PHLDB2: variants seen among roughly 807,000 people sequenced by gnomAD.
PHLDB2 encodes pleckstrin homology like domain family B member 2.
In PHLDB2, 71 loss-of-function variants were observed where a neutral mutation model predicts 123.6. The ratio of observed to expected loss-of-function variants is 0.57; its 90% CI spans 0.47 to 0.70. PHLDB2 has a LOEUF of 0.70. Ranked by LOEUF, PHLDB2 falls within the 30% of genes least tolerant of loss-of-function variation. PHLDB2 has a pLI of 0.00. For missense variants in PHLDB2, 1,446 were observed against 1,519.5 expected, an observed-to-expected ratio of 0.95 and a Z score of 0.80; for synonymous variants, 547 against 541.6, an observed-to-expected ratio of 1.01 and a Z score of -0.14.
rs142558668 is a variant in PHLDB2, at chr3:111,974,360, T to C, written c.3622-63T>C. 7 of 1,404,628 alleles carry C rather than the reference T, an allele frequency of 5.0e-6. No individual in the cohort carries two copies. The African/African-American group carries it at 7.3e-5, about 15-fold the overall frequency. 87.0% of individuals were successfully genotyped at this position (1,404,628 alleles called of 1,614,324 possible). A position where few individuals can be genotyped will look rare whatever the true frequency, so the allele number is the denominator to read the frequency against. ...TTTTGAAGAAGTCATCACATGTCTG[T>C]GTTATTTAATGTTGTATTTTAAGAT... On this transcript the variant is annotated intron_variant, in intron 17 of 17. Coordinates refer to ENST00000431670, the MANE Select transcript of PHLDB2 (RefSeq NM_001134438.2).
intron 1 of PHLDB2, among the ~76,000 whole-genome samples, chr3:111,827,651 G>T (rs1416580610): frequency 6.8e-6 from 1 of 146,924 alleles, no homozygotes; most frequent in South Asian, 2.2e-4. Context: ...ATTGCACGCC[G>T]GCCTGAGCGA....
intron 1 of PHLDB2, among the ~76,000 whole-genome samples, chr3:111,796,980 G>C (rs1289008433): frequency 6.6e-6 from 1 of 152,142 alleles, no homozygotes; most frequent in East Asian, 1.9e-4. Flanking sequence ...GGTTTTGTTT[G>C]TTTTTAAACT....
At chr3:111,948,176 G>A (rs1434136514) in intron 9 of PHLDB2, among the ~76,000 whole-genome samples, 4 of 152,142 alleles carry the variant, frequency 2.6e-5, no homozygotes, top group Admixed American at 6.5e-5. Context: ...TGTCCTATGG[G>A]TAGAGATGGG....
At chr3:111,806,519 C>G (rs1359375059) in intron 1 of PHLDB2, among the ~76,000 whole-genome samples, 1 of 149,450 alleles carries the variant, frequency 6.7e-6, no homozygotes, top group African/African-American at 2.5e-5. Context: ...GAGTCTCACT[C>G]TGTCACCCAG....
At chr3:111,737,083 C>T (rs1374641815) in intron 1 of PHLDB2, among the ~76,000 whole-genome samples, 1 of 152,170 alleles carries the variant, frequency 6.6e-6, no homozygotes, top group Non-Finnish European at 1.5e-5. Flanking sequence ...ATTGAGAATC[C>T]ATTATTGTAG....
At chr3:111,743,538 T>C (rs2059637428) in intron 1 of PHLDB2, among the ~76,000 whole-genome samples, 1 of 152,188 alleles carries the variant, frequency 6.6e-6, no homozygotes. Flanking sequence ...TCTAGAGAAG[T>C]AGCAGTGAGA....
chr3:111,899,630 G>A (rs977330071), intron 2 of PHLDB2, among the ~76,000 whole-genome samples: 13 of 152,140 alleles, frequency 8.5e-5, no homozygotes, highest in African/African-American at 2.9e-4. Flanking sequence ...TGGTCAATGA[G>A]CATTGGTTTC....
intron 12 of PHLDB2, among the ~76,000 whole-genome samples, chr3:111,954,973 C>T (rs932312999): frequency 6.6e-6 from 1 of 152,020 alleles, no homozygotes; most frequent in Admixed American, 6.6e-5. Flanking sequence ...TCGATTCTAG[C>T]TCTTTGGCCT....
At chr3:111,957,408 A>G (rs1038299122) in intron 12 of PHLDB2, 1 of 152,642 alleles carries the variant, frequency 6.6e-6, no homozygotes. Context: ...ATTGTTGCAC[A>G]TTTGCAAGAA....
At chr3:111,768,262 A>G (rs1321133678) in intron 1 of PHLDB2, among the ~76,000 whole-genome samples, 4 of 152,228 alleles carry the variant, frequency 2.6e-5, no homozygotes, top group East Asian at 3.8e-4. Flanking sequence ...AAGTGGTGGT[A>G]TACTCAGAAG....
rs1315481911 is a variant in PHLDB2, at chr3:111,792,832, G to A, written c.-48-52989G>A. On this transcript the variant is annotated intron_variant, in intron 1 of 17. Coordinates refer to the PHLDB2 transcript ENST00000393923. Reference sequence around the variant, plus strand: ...GCAAACAAATGCATGCCATGGGTATGTACTGAACCAAGATTATGATTAATT... The same window carrying A: ...GCAAACAAATGCATGCCATGGGTATATACTGAACCAAGATTATGATTAATT... Among the ~76,000 whole-genome samples the A allele has an allele frequency of 4.6e-5, 7 of 152,336 alleles. No individual in the cohort carries two copies. The East Asian group carries it at 1.2e-3, about 25-fold the overall frequency.
intron 1 of PHLDB2, among the ~76,000 whole-genome samples, chr3:111,790,899 C>T (rs889116855): frequency 6.6e-6 from 1 of 151,790 alleles, no homozygotes; most frequent in Admixed American, 6.6e-5. Flanking sequence ...AAAATGTATC[C>T]TCCTAGTCTC....
At chr3:111,816,808 C>T (rs1375859076) in intron 1 of PHLDB2, among the ~76,000 whole-genome samples, 2 of 152,174 alleles carry the variant, frequency 1.3e-5, no homozygotes, top group African/African-American at 4.8e-5. Flanking sequence ...TATGACTTGG[C>T]TGTGTCCCCA....
Position 111,754,333 on chromosome 3 carries a change from T to A in PHLDB2, c.-49+21630T>A, listed in dbSNP as rs572724630. Reference sequence around the variant, plus strand: ...TATCCTCTTTTATTTCATTGAGCAGTGGTTTGTAGCTCTCCTTGAAGAGGT... The same window carrying A: ...TATCCTCTTTTATTTCATTGAGCAGAGGTTTGTAGCTCTCCTTGAAGAGGT... On this transcript the variant is annotated intron_variant, in intron 1 of 17. Coordinates refer to the PHLDB2 transcript ENST00000393923. Among the ~76,000 whole-genome samples the A allele has an allele frequency of 1.4e-3, 205 of 145,526 alleles. No homozygotes were observed. The East Asian group carries it at 0.036, about 26-fold the overall frequency.
intron 5 of PHLDB2, among the ~76,000 whole-genome samples, chr3:111,927,238 A>AATG (rs2068864915): frequency 2.5e-5 from 1 of 40,486 alleles, no homozygotes; most frequent in Middle Eastern, 0.023. Flanking sequence ...CTCCCTTAAA[A>AATG]ATGACTGGCC....
At chr3:111,796,959 T>C (rs985302969) in intron 1 of PHLDB2, among the ~76,000 whole-genome samples, 1 of 152,248 alleles carries the variant, frequency 6.6e-6, no homozygotes, top group African/African-American at 2.4e-5. Context: ...CTCTAGGTTA[T>C]TGACATGACT....
Position 111,814,930 on chromosome 3 carries a change from C to T in PHLDB2, c.-48-30891C>T, listed in dbSNP as rs141740283. Among the ~76,000 whole-genome samples, 1,440 of 152,266 alleles carry T rather than the reference C, an allele frequency of 9.5e-3. 16 individuals are homozygous for T. Among genetic ancestry groups the T allele is most frequent in the African/African-American group, 0.033 (1,383 of 41,544 alleles). ...TGAATTATAACTTCCACAGTTCCCA[C>T]GTAGTGTGGGAGGAACCTGGTGGGA... On this transcript the variant is annotated intron_variant, in intron 1 of 17. Coordinates refer to the PHLDB2 transcript ENST00000393923.
chr3:111,872,515 G>A (rs1240453815), intron 1 of PHLDB2, among the ~76,000 whole-genome samples: 1 of 152,090 alleles, frequency 6.6e-6, no homozygotes, highest in East Asian at 1.9e-4. Context: ...CTCAGCTGCA[G>A]TCTCTGATGT....
Position 111,758,441 on chromosome 3 carries a change from T to G in PHLDB2, c.-49+25738T>G, listed in dbSNP as rs576037798. Among the ~76,000 whole-genome samples, 8 of 152,328 alleles carry G rather than the reference T, an allele frequency of 5.3e-5. No individual in the cohort carries two copies. The South Asian group carries it at 1.7e-3, about 32-fold the overall frequency. ...GGATATAATCTCCTGGTGCGCTGTT[T>G]TTTAAGCTCGTCGGAAAAGCGCAGT... On this transcript the variant is annotated intron_variant, in intron 1 of 17. Transcript: ENST00000393923.
Sources: gnomAD v4.1 joint callset for allele counts (sites outside exome capture counted in the v4.1 genomes callset) on GRCh38, gnomAD v4.1.1 for gene constraint, MANE v1.5 for transcripts, NCBI Gene and HGNC (gene_info 2026-07-23, HGNC 2026-07-21) for gene names.